PIK3R6: variants seen among roughly 807,000 people sequenced by gnomAD.
PIK3R6 encodes the protein phosphoinositide 3-kinase regulatory subunit 6.
Under a neutral mutation model 84.9 loss-of-function variants are expected in PIK3R6, and 91 were observed. The ratio of observed to expected loss-of-function variants is 1.07; its 90% CI spans 0.90 to 1.28. The LOEUF (loss-of-function observed/expected upper bound fraction) is 1.28, where lower values mean the gene tolerates loss of function less well. Among genes scored for constraint, PIK3R6 ranks in the 50% most tolerant of loss-of-function variants. PIK3R6 has a pLI of 0.00. For missense variants in PIK3R6, 996 were observed against 985.1 expected (o/e 1.01, Z -0.15); for synonymous variants, 416 against 411.4 (o/e 1.01, Z -0.13).
chr17:8,850,813 A>G (rs2088938403), intron 1 of PIK3R6, among the ~76,000 whole-genome samples: 1 of 152,244 alleles, frequency 6.6e-6, no homozygotes, highest in African/African-American at 2.4e-5. Flanking sequence ...CTTTATACCA[A>G]AAAAGAAAAT....
At chr17:8,828,258 TATTTGTTATCTCTTGACCTTGGGCA>T in intron 11 of PIK3R6, 68 bp from the exon 12 acceptor site, 1 of 1,502,578 alleles carries the variant, frequency 6.7e-7, no homozygotes, top group Admixed American at 1.7e-5. Flanking sequence ...TCGGCTCTGC[TATTTGTTATCTCTTGACCTTGGGCA>T]ATTTGTGTCA....
chr17:8,815,861 A>C (rs770480561), intron 18 of PIK3R6, among the ~76,000 whole-genome samples: 1 of 152,206 alleles, frequency 6.6e-6, no homozygotes, highest in Non-Finnish European at 1.5e-5. Context: ...CTTTCCTGGA[A>C]ATTTTTATCT....
intron 11 of PIK3R6, 101 bp downstream of exon 11, chr17:8,828,466 C>T: frequency 2.1e-6 from 3 of 1,433,090 alleles, no homozygotes; most frequent in Non-Finnish European, 2.8e-6. Flanking sequence ...CCTCTGCCTC[C>T]TGACCCTCTC....
chr17:8,822,564 T>G, intron 16 of PIK3R6, 23 bp downstream of exon 16: 1 of 1,613,348 alleles, frequency 6.2e-7, no homozygotes, highest in Non-Finnish European at 8.5e-7. Context: ...GGCTACCTAC[T>G]GACCACGTCC....
rs529412495 is a variant in PIK3R6, at chr17:8,829,622, G to GCACACAGA, written c.889+83_889+84insTCTGTGTG. On this transcript the variant is annotated intron_variant, in intron 10 of 19. Coordinates refer to ENST00000619866, the MANE Select transcript of PIK3R6 (RefSeq NM_001010855.4). ...TGCATACACACACTGACACACGCAT[G>GCACACAGA]CACACTGACACACACTCATGCACGC... 5.3e-3 allele frequency: 6,906 copies of GCACACAGA among 1,315,216 alleles called. 157 individuals are homozygous for GCACACAGA. The highest frequency in any genetic ancestry group is 0.049 in the African/African-American group (3,055 of 62,516). The allele number at this position is 1,315,216 out of a possible 1,614,324, so 81.5% of individuals were successfully genotyped here.
chr17:8,803,671 C>G lies in PIK3R6; in HGVS notation c.2109-242G>C. On this transcript the variant is annotated intron_variant, in intron 19 of 19. Transcript: ENST00000619866. The surrounding 1 kb of genome is among the most constrained non-coding windows in gnomAD (Gnocchi z 5.0). ...CGCATGCCTCCCTTACCCAAACACA[C>G]CTCCCGAGGGGAAGCCAGTAAGGGT... The G allele has an allele frequency of 1.8e-6, 1 of 550,916 alleles. No individual in the cohort carries two copies. Among genetic ancestry groups the G allele is most frequent in the Non-Finnish European group, 3.2e-6 (1 of 312,132 alleles). 34.1% of individuals were successfully genotyped at this position (550,916 alleles called of 1,614,324 possible). A position where few individuals can be genotyped will look rare whatever the true frequency, so the allele number is the denominator to read the frequency against.
chr17:8,818,911 C>T (rs1001968998), intron 18 of PIK3R6, among the ~76,000 whole-genome samples, 172 bp downstream of exon 18: 2 of 152,210 alleles, frequency 1.3e-5, no homozygotes, highest in African/African-American at 4.8e-5. Flanking sequence ...GCACTTCAAA[C>T]AGACTGATTG....
chr17:8,826,824 A>G (rs2087933169), intron 13 of PIK3R6, among the ~76,000 whole-genome samples: 1 of 152,164 alleles, frequency 6.6e-6, no homozygotes, highest in Non-Finnish European at 1.5e-5. Context: ...ATAAAAAAAG[A>G]AAAAGGATCA....
In PIK3R6 at chr17:8,822,991, C is replaced by T. The variant is rs1208529715; in HGVS notation, c.1717+5G>A. ...ACCTTTGGCAAAAGGGAGGCAGATGCTTACCTTTGGGGAATTTAGAATCTT... is the reference window on the plus strand; with the variant it reads ...ACCTTTGGCAAAAGGGAGGCAGATGTTTACCTTTGGGGAATTTAGAATCTT... On this transcript the variant is annotated splice_donor_5th_base_variant and intron_variant, in intron 15 of 19. Coordinates refer to ENST00000619866, the MANE Select transcript of PIK3R6 (RefSeq NM_001010855.4). 4 of 1,591,936 alleles carry T rather than the reference C, an allele frequency of 2.5e-6. No individual in the cohort carries two copies. The highest frequency in any genetic ancestry group is 3.4e-6 in the Non-Finnish European group (4 of 1,160,024).
intron 18 of PIK3R6, among the ~76,000 whole-genome samples, chr17:8,817,641 G>C (rs754242916): frequency 6.7e-6 from 1 of 149,586 alleles, no homozygotes; most frequent in Non-Finnish European, 1.5e-5. Context: ...ACTCCGTCTC[G>C]AAAAAAAACA....
intron 18 of PIK3R6, among the ~76,000 whole-genome samples, chr17:8,817,792 T>C (rs1172151033): frequency 6.6e-6 from 1 of 151,424 alleles, no homozygotes; most frequent in African/African-American, 2.4e-5. Context: ...GGTAGAAGAG[T>C]TATTGATAAG....
intron 1 of PIK3R6, among the ~76,000 whole-genome samples, chr17:8,866,275 T>C (rs1030967552): frequency 1.2e-4 from 18 of 152,208 alleles, no homozygotes; most frequent in East Asian, 3.9e-4. Flanking sequence ...CTGTGGCTCA[T>C]GCCTGTAATC....
rs372624482 is a variant in PIK3R6 at position 8,827,214 on chromosome 17, G to A, written c.1473C>T (p.Asn491=). The change falls in exon 13 of 20, where the codon AAC becomes AAT. Residue 491 remains asparagine (N), a synonymous_variant. Transcript: ENST00000619866. The part of the protein sequence containing the change: ...LGRVDPWYQS[N]VNTLCPAIHK... ...GGATGGCGGGGCACAGCGTGTTGAC[G>A]TTGCTCTGGTACCACGGGTCTACGC... 1.1e-4 allele frequency: 177 copies of A among 1,610,044 alleles called. No individual in the cohort carries two copies. Among genetic ancestry groups the A allele is most frequent in the Non-Finnish European group, 1.4e-4 (161 of 1,178,464 alleles).
chr17:8,851,199 CAA>C (rs1184243584), intron 1 of PIK3R6, among the ~76,000 whole-genome samples: 1 of 150,622 alleles, frequency 6.6e-6, no homozygotes, highest in Non-Finnish European at 1.5e-5. Context: ...AAAACAAAAA[CAA>C]AAAAACAAAA....
chr17:8,832,085 A>ATTAC (rs1200861367), intron 9 of PIK3R6, among the ~76,000 whole-genome samples: 1 of 152,232 alleles, frequency 6.6e-6, no homozygotes, highest in Non-Finnish European at 1.5e-5. Flanking sequence ...AAATCCTTGG[A>ATTAC]TTACTGCAGC....
At chr17:8,840,655 A>AATATATATGAAATATATATATATAAAAT (rs2088647881) in intron 2 of PIK3R6, among the ~76,000 whole-genome samples, 4 of 147,540 alleles carry the variant, frequency 2.7e-5, no homozygotes, top group African/African-American at 9.9e-5. Context: ...ATATCCTCCA[A>AATATATATGAAATATATATATATAAAAT]ATATATATGA....
intron 1 of PIK3R6, among the ~76,000 whole-genome samples, chr17:8,860,652 AAATC>A (rs1257694836): frequency 1.3e-5 from 2 of 152,198 alleles, no homozygotes; most frequent in Non-Finnish European, 2.9e-5. Context: ...TTTCATATAA[AAATC>A]AAGATTTCCA....
At chr17:8,821,603 C>G (rs1035485253) in intron 17 of PIK3R6, among the ~76,000 whole-genome samples, 1 of 152,190 alleles carries the variant, frequency 6.6e-6, no homozygotes, top group African/African-American at 2.4e-5. Flanking sequence ...ACTGCAACCC[C>G]TCCCCGGAGT....
intron 1 of PIK3R6, among the ~76,000 whole-genome samples, chr17:8,853,433 C>T (rs181986): frequency 0.016 from 2,235 of 141,424 alleles, 59 homozygotes; most frequent in African/African-American, 0.056. Flanking sequence ...TGCAGTGAGC[C>T]GAGATTGTGC....
Sources: allele counts gnomAD v4.1 joint callset (sites outside exome capture counted in the v4.1 genomes callset), GRCh38; gene constraint gnomAD v4.1.1; non-coding constraint Gnocchi (gnomAD v3.1); transcripts MANE v1.5; gene names NCBI Gene and HGNC (gene_info 2026-07-23, HGNC 2026-07-21).